GGT5: variants seen among roughly 807,000 people sequenced by gnomAD.
The protein encoded by GGT5 is glutathione hydrolase 5 proenzyme.
In GGT5, 50 loss-of-function variants were observed where a neutral mutation model predicts 58.1. The ratio of observed to expected loss-of-function variants is 0.86; its 90% CI spans 0.69 to 1.09. GGT5 has a LOEUF of 1.09. Ranked by LOEUF, GGT5 falls within the 50% of genes least tolerant of loss-of-function variation. The pLI, the probability that GGT5 is intolerant of heterozygous loss-of-function variation, is 0.00. For synonymous variants in GGT5, 370 were observed against 346.1 expected, an observed-to-expected ratio of 1.07 and a Z score of -0.77; for missense variants, 800 against 789.4, an observed-to-expected ratio of 1.01 and a Z score of -0.16.
intron 11 of GGT5, among the ~76,000 whole-genome samples, chr22:24,223,079 G>A (rs1281374012): frequency 2.0e-5 from 3 of 150,426 alleles, no homozygotes; most frequent in African/African-American, 7.4e-5. Context: ...AACAGAGCGA[G>A]ACTCCGTCTC....
Position 24,233,978 on chromosome 22 carries a change from G to A in GGT5, c.200C>T (p.Pro67Leu). 1 of 1,612,648 alleles carries A rather than the reference G, an allele frequency of 6.2e-7. No homozygotes were observed. The highest frequency in any genetic ancestry group is 8.5e-7 in the Non-Finnish European group (1 of 1,179,514). The change falls in exon 2 of 12, where the codon CCC becomes CTC. Residue 67 changes from proline to leucine, a missense_variant. Physicochemically the swap from Pro to Leu is moderately conservative, Grantham distance 98. Transcript: ENST00000327365. Reference sequence around the variant, plus strand: ...CAGAGCCGCGATGGTGGCATCCACGGGTGAGCCCTGCTGCTGGAGGATGGC... The same window carrying A: ...CAGAGCCGCGATGGTGGCATCCACGAGTGAGCCCTGCTGCTGGAGGATGGC... ...GRAILQQQGS[P>L]VDATIAALVC...
Position 24,244,847 on chromosome 22 carries a change from T to C in GGT5, c.-122A>G. The C allele has an allele frequency of 6.9e-7, 1 of 1,446,214 alleles. No individual in the cohort carries two copies. Among genetic ancestry groups the C allele is most frequent in the Non-Finnish European group, 9.1e-7 (1 of 1,099,696 alleles). The allele number at this position is 1,446,214 out of a possible 1,614,324, so 89.6% of individuals were successfully genotyped here. On this transcript the variant is annotated 5_prime_UTR_variant, in exon 1 of 12. Coordinates refer to ENST00000327365, the MANE Select transcript of GGT5 (RefSeq NM_004121.5). ...GTAATTGGACAGATGGACAAACAGG[T>C]GGGGGCTGAAGACAGACACGAAGAT...
At chr22:24,225,193 G>A in intron 10 of GGT5, 52 bp downstream of exon 10, 1 of 1,596,138 alleles carries the variant, frequency 6.3e-7, no homozygotes, top group Non-Finnish European at 8.6e-7. Flanking sequence ...GAGACAGTCA[G>A]ACAGTATGCT....
chr22:24,235,050 C>CTTTTTT (rs71189232), intron 1 of GGT5, among the ~76,000 whole-genome samples: 2 of 75,660 alleles, frequency 2.6e-5, no homozygotes, highest in African/African-American at 5.4e-5. Context: ...AAGAAGCCAG[C>CTTTTTT]TTTTTTTTTT....
Position 24,231,409 on chromosome 22 carries a change from G to A in GGT5, c.876C>T (p.Leu292=), listed in dbSNP as rs1172259614. The A allele has an allele frequency of 1.3e-6, 2 of 1,553,556 alleles. No homozygotes were observed. Among genetic ancestry groups the A allele is most frequent in the Non-Finnish European group, 1.7e-6 (2 of 1,148,420 alleles). Residue 292 remains leucine (L), a synonymous_variant, in exon 6 of 12, where the codon CTC becomes CTT. Coordinates refer to ENST00000327365, the MANE Select transcript of GGT5 (RefSeq NM_004121.5). ...CTCTTAGCACGTTGAGGATAAAGCT[G>A]AGAATGGCACCCCCTGCAGGCGGCG... ...SPPPPAGGAI[L]SFILNVLRGF...
chr22:24,238,865 AAT>A (rs1406909061), intron 1 of GGT5, among the ~76,000 whole-genome samples: 2 of 8,930 alleles, frequency 2.2e-4, no homozygotes, highest in African/African-American at 7.6e-4. Context: ...TTATATATAT[AAT>A]ATATATAATA....
At position 24,244,727 on chromosome 22, in the gene GGT5, G is replaced by A. The variant is rs753473584; in HGVS notation, c.-2C>T. On this transcript the variant is annotated 5_prime_UTR_variant, in exon 1 of 12. Transcript: ENST00000327365. ...CGTGGCCCCGTAGCCCCGGGCCATGGCTCTGCAGCCCAGGAGGAGAGGGGC... is the reference window on the plus strand; with the variant it reads ...CGTGGCCCCGTAGCCCCGGGCCATGACTCTGCAGCCCAGGAGGAGAGGGGC... The A allele has an allele frequency of 6.2e-7, 1 of 1,606,260 alleles. No homozygotes were observed. Among genetic ancestry groups the A allele is most frequent in the Non-Finnish European group, 8.5e-7 (1 of 1,176,454 alleles).
chr22:24,232,225 G>GCC lies in GGT5; in HGVS notation c.597-19_597-18dup. The GCC allele has an allele frequency of 8.2e-7, 1 of 1,212,146 alleles. No individual in the cohort carries two copies. 75.1% of individuals were successfully genotyped at this position (1,212,146 alleles called of 1,614,324 possible). ...AAGAGCTGGCTGGGGGGTGGGGGGA[G>GCC]CCTCAGGGTGGGGCCAGGTCCCAGA... On this transcript the variant is annotated splice_polypyrimidine_tract_variant and intron_variant, in intron 4 of 11. Transcript: ENST00000327365.
intron 1 of GGT5, among the ~76,000 whole-genome samples, chr22:24,240,324 G>A (rs576435461): frequency 2.5e-4 from 38 of 152,296 alleles, no homozygotes; most frequent in African/African-American, 8.7e-4. Context: ...CAAGTTGGTG[G>A]TGGGTTTCAA....
chr22:24,221,525 G>C (rs573328728), intron 11 of GGT5, among the ~76,000 whole-genome samples: 1 of 152,266 alleles, frequency 6.6e-6, no homozygotes, highest in East Asian at 1.9e-4. Context: ...GTGTGTGTCT[G>C]TTTCTGAGAT....
chr22:24,226,797 G>C, intron 6 of GGT5, 30 bp from the exon 7 acceptor site: 1 of 1,610,790 alleles, frequency 6.2e-7, no homozygotes. Context: ...CAGGTTGGTT[G>C]GGGTCACCCT....
chr22:24,235,579 C>T lies in GGT5; in HGVS notation c.174-1575G>A, dbSNP rs147078598. 2.7e-3 allele frequency among the ~76,000 whole-genome samples: 410 copies of T among 152,318 alleles called. 4 individuals are homozygous for T. The highest frequency in any genetic ancestry group is 1.0e-2 in the South Asian group (48 of 4,820). On this transcript the variant is annotated intron_variant, in intron 1 of 11. Coordinates refer to ENST00000327365, the MANE Select transcript of GGT5 (RefSeq NM_004121.5). ...CCACACGTGGCACACATGGGCACCA[C>T]AGGGACACATGTAATCTTGGAACAG...
At chr22:24,231,292 C>G in intron 6 of GGT5, 92 bp downstream of exon 6, 1 of 817,560 alleles carries the variant, frequency 1.2e-6, no homozygotes, top group South Asian at 1.6e-5. Flanking sequence ...CTGAGCTGGG[C>G]CTTGGCTGGG....
At chr22:24,223,511 T>A (rs1205757033) in intron 11 of GGT5, among the ~76,000 whole-genome samples, 2 of 152,166 alleles carry the variant, frequency 1.3e-5, no homozygotes, top group Non-Finnish European at 2.9e-5. Flanking sequence ...TGAGAGGGTC[T>A]TCCTGTCATG....
At chr22:24,229,668 C>T (rs2148906301) in intron 6 of GGT5, among the ~76,000 whole-genome samples, 1 of 151,296 alleles carries the variant, frequency 6.6e-6, no homozygotes, top group South Asian at 2.1e-4. Context: ...CCCATCTCTA[C>T]TAAAAAAATA....
Position 24,219,981 on chromosome 22 carries a change from C to A in GGT5, c.1750G>T (p.Ala584Ser). 1 of 1,613,862 alleles carries A rather than the reference C, an allele frequency of 6.2e-7. No individual in the cohort carries two copies. The highest frequency in any genetic ancestry group is 8.5e-7 in the Non-Finnish European group (1 of 1,179,816). ...GGCAGAGCAGTGTCTTAGTAGCCTG[C>A]GGCCTCCCCACTCTTCCTCAGGTCC... ...VSDLRKSGEAAGY is the reference protein window; with the variant it reads ...VSDLRKSGEASGY Residue 584 changes from alanine (A) to serine (S), a missense_variant, in exon 12 of 12, where the codon GCA becomes TCA. Coordinates refer to ENST00000327365, the MANE Select transcript of GGT5 (RefSeq NM_004121.5).
At chr22:24,221,686 A>G (rs2071651697) in intron 11 of GGT5, among the ~76,000 whole-genome samples, 2 of 151,946 alleles carry the variant, frequency 1.3e-5, no homozygotes, top group Non-Finnish European at 2.9e-5. Flanking sequence ...TAATTTTTGT[A>G]ATTTTAGTAG....
chr22:24,240,723 G>A (rs539445426), intron 1 of GGT5, among the ~76,000 whole-genome samples: 22 of 152,152 alleles, frequency 1.4e-4, no homozygotes, highest in African/African-American at 5.3e-4. Flanking sequence ...GAACTCCTGG[G>A]CTTCAGCGAC....
At position 24,219,875 on chromosome 22, in the gene GGT5, C is replaced by G. The variant is rs1410322676; in HGVS notation, c.*95G>C. ...CAGCTGGACTCCCCTGCCAGGGGTC[C>G]AGATCCTGCCAGAGTAGTTGGTCCC... On this transcript the variant is annotated 3_prime_UTR_variant, in exon 12 of 12. Transcript: ENST00000327365. The G allele has an allele frequency of 7.8e-7, 1 of 1,273,928 alleles. No homozygotes were observed. Among genetic ancestry groups the G allele is most frequent in the Non-Finnish European group, 1.1e-6 (1 of 897,648 alleles). 78.9% of individuals were successfully genotyped at this position (1,273,928 alleles called of 1,614,324 possible). A position where few individuals can be genotyped will look rare whatever the true frequency, so the allele number is the denominator to read the frequency against.
Sources: gnomAD v4.1 joint callset for allele counts (sites outside exome capture counted in the v4.1 genomes callset) on GRCh38, gnomAD v4.1.1 for gene constraint, MANE v1.5 for transcripts, NCBI Gene and HGNC (gene_info 2026-07-23, HGNC 2026-07-21) for gene names.